The following NBR1 variants were observed in gnomAD, a reference collection of about 807,000 sequenced individuals.
NBR1 encodes NBR1 autophagy cargo receptor, also known as next to BRCA1 gene 1 protein.
NBR1 carries 59 observed loss-of-function variants against 115.5 expected under a neutral mutation model. That is an observed-to-expected ratio of 0.51 (90% CI 0.41 to 0.63). The LOEUF is 0.63. Among genes scored for constraint, NBR1 ranks in the 30% least tolerant of loss-of-function variants. NBR1 has a pLI of 0.00. For missense variants in NBR1, 1,043 were observed against 1,150.5 expected (o/e 0.91, Z 1.35); for synonymous variants, 373 against 414.7 (o/e 0.90, Z 1.22).
chr17:43,177,798 T>C, intron 2 of NBR1, 138 bp from the exon 3 acceptor site: 1 of 619,238 alleles, frequency 1.6e-6, no homozygotes, highest in Non-Finnish European at 2.4e-6. Flanking sequence ...GCTGGTACTC[T>C]GGGTGTGTTG....
intron 1 of NBR1, among the ~76,000 whole-genome samples, chr17:43,174,278 A>G (rs578011586): frequency 1.2e-4 from 19 of 152,272 alleles, no homozygotes; most frequent in Middle Eastern, 3.4e-3. Context: ...ACTTTTGTAT[A>G]GATTTAAATT....
intron 19 of NBR1, among the ~76,000 whole-genome samples, chr17:43,203,254 T>C (rs968151157): frequency 3.3e-5 from 5 of 152,190 alleles, no homozygotes; most frequent in Non-Finnish European, 7.3e-5. Flanking sequence ...AAGCCCAGTA[T>C]ACATTTAAAT....
rs1370149579 is a variant in NBR1, at chr17:43,203,686, A to G, written c.2627A>G (p.His876Arg). 6.2e-7 allele frequency: 1 copy of G among 1,606,668 alleles called. No individual in the cohort carries two copies. Among genetic ancestry groups the G allele is most frequent in the Admixed American group, 1.7e-5 (1 of 59,242 alleles). ...RQKSYDHSRH[H>R]HGSSIAGGLV... The stretch of plus-strand genomic sequence containing the variant: ...AATTTGGTTTTCCTCTGCAGGCACC[A>G]TCATGGGAGCAGCATTGCTGGAGGA... The change falls in exon 20 of 21, where the codon CAT becomes CGT. Residue 876 changes from histidine to arginine, a missense_variant. By Grantham distance (29) the His-to-Arg change is conservative. Transcript: ENST00000590996.
At position 43,193,393 on chromosome 17, in the gene NBR1, A is replaced by G; in HGVS notation, c.1279A>G (p.Lys427Glu). Residue 427 changes from lysine (K) to glutamate (E), a missense_variant, in exon 12 of 21, where the codon AAG becomes GAG. By Grantham distance (56) the Lys-to-Glu change is moderately conservative. Transcript: ENST00000590996. ...GNLTLASTEK[K>E]DVLVPCLKAG... Reference sequence around the variant, plus strand: ...CCTGACTTTGGCTTCCACAGAAAAGAAGGATGTTTTGGTTCCCTGCCTCAA... The same window carrying G: ...CCTGACTTTGGCTTCCACAGAAAAGGAGGATGTTTTGGTTCCCTGCCTCAA... 1 of 1,613,966 alleles carries G rather than the reference A, an allele frequency of 6.2e-7. No individual in the cohort carries two copies. Among genetic ancestry groups the G allele is most frequent in the Non-Finnish European group, 8.5e-7 (1 of 1,179,876 alleles).
chr17:43,189,395 G>A (rs780567168), intron 7 of NBR1, among the ~76,000 whole-genome samples, 193 bp from the exon 8 acceptor site: 4 of 152,140 alleles, frequency 2.6e-5, no homozygotes, highest in Non-Finnish European at 4.4e-5. Flanking sequence ...AGGATGTTTT[G>A]ATATTTTCTT....
intron 6 of NBR1, 76 bp from the exon 7 acceptor site, chr17:43,188,966 A>G (rs556448938): frequency 1.9e-6 from 2 of 1,059,960 alleles, no homozygotes; most frequent in Non-Finnish European, 2.9e-6. Flanking sequence ...AAGAAACCTC[A>G]AAATAATACA....
rs1009188020 is a variant in NBR1, at chr17:43,189,693, T to C, written c.586T>C (p.Ser196Pro). 6.2e-7 allele frequency: 1 copy of C among 1,613,880 alleles called. No homozygotes were observed. The highest frequency in any genetic ancestry group is 1.7e-5 in the Admixed American group (1 of 60,014). Reference protein sequence around the residue: ...PSLGSCPSEVSMPTSEETLFL... With the variant: ...PSLGSCPSEVPMPTSEETLFL... ...CTTGGGTTCTTGTCCCTCAGAAGTC[T>C]CAATGCCTACTTCAGAAGAAACATT... is the stretch of plus-strand genomic sequence containing the variant. The change falls in exon 8 of 21, where the codon TCA becomes CCA. Residue 196 changes from serine (S) to proline (P), a missense_variant. By Grantham distance (74) the Ser-to-Pro change is moderately conservative. Transcript: ENST00000590996.
intron 19 of NBR1, 41 bp from the exon 20 acceptor site, chr17:43,203,640 T>C (rs1354592311): frequency 3.2e-6 from 4 of 1,243,194 alleles, no homozygotes. Context: ...AAGGTAATGA[T>C]TTGTGTTTGT....
chr17:43,193,438 G>C lies in NBR1; in HGVS notation c.1324G>C (p.Val442Leu), dbSNP rs1229295378. The C allele has an allele frequency of 6.2e-7, 1 of 1,614,012 alleles. No homozygotes were observed. The highest frequency in any genetic ancestry group is 8.5e-7 in the Non-Finnish European group (1 of 1,179,890). ...CCTCAAGGCCGGCCATGTGGGAGTTGTATCTGTGGAGTTCATTGCCCCAGC... is the reference window on the plus strand; with the variant it reads ...CCTCAAGGCCGGCCATGTGGGAGTTCTATCTGTGGAGTTCATTGCCCCAGC... ...PCLKAGHVGVVSVEFIAPALE... is the reference protein window; with the variant it reads ...PCLKAGHVGVLSVEFIAPALE... The change falls in exon 12 of 21, where the codon GTA becomes CTA. Residue 442 changes from valine to leucine, a missense_variant. Coordinates refer to ENST00000590996, the MANE Select transcript of NBR1 (RefSeq NM_005899.5).
At chr17:43,175,509 CAT>C (rs758934455) in intron 1 of NBR1, among the ~76,000 whole-genome samples, 12 of 152,204 alleles carry the variant, frequency 7.9e-5, no homozygotes, top group Non-Finnish European at 1.5e-4. Context: ...ATGTTTCCAA[CAT>C]GTGGAAGTTC....
chr17:43,200,627 T>C lies in NBR1; in HGVS notation c.2468+19T>C, dbSNP rs748029971. 5 of 1,570,130 alleles carry C rather than the reference T, an allele frequency of 3.2e-6. No homozygotes were observed. Among genetic ancestry groups the C allele is most frequent in the Non-Finnish European group, 4.3e-6 (5 of 1,154,228 alleles). ...TGCCCAGGTACCACTCACAGCCCCC[T>C]CAGCTGGGGTGTTCTTCAGAGGTGA... On this transcript the variant is annotated intron_variant, in intron 17 of 20. Transcript: ENST00000590996.
intron 1 of NBR1, among the ~76,000 whole-genome samples, chr17:43,171,980 G>T (rs2056384404): frequency 6.6e-6 from 1 of 151,894 alleles, no homozygotes; most frequent in Non-Finnish European, 1.5e-5. Flanking sequence ...AACTTGGCTT[G>T]TAAAGGCCTC....
chr17:43,197,396 G>T (rs879829626), intron 16 of NBR1, among the ~76,000 whole-genome samples: 12 of 152,122 alleles, frequency 7.9e-5, no homozygotes, highest in South Asian at 4.1e-4. Context: ...GCGGGTGCCT[G>T]TAGTCCCAGC....
chr17:43,190,734 A>G lies in NBR1; in HGVS notation c.821A>G (p.Lys274Arg). 2 of 1,613,266 alleles carry G rather than the reference A, an allele frequency of 1.2e-6. No individual in the cohort carries two copies. The highest frequency in any genetic ancestry group is 1.7e-6 in the Non-Finnish European group (2 of 1,179,380). Reference protein sequence around the residue: ...VGSSEPFCHSKYSTPRLPAAL... With the variant: ...VGSSEPFCHSRYSTPRLPAAL... ...TCCTCTGAACCGTTCTGTCACTCAA[A>G]GTACTCTACTCCTCGTCTTCCTGCT... Residue 274 changes from lysine to arginine, a missense_variant, in exon 9 of 21, where the codon AAG becomes AGG. Lys to Arg is a conservative substitution (Grantham distance 26). Transcript: ENST00000590996.
At chr17:43,189,495 A>G in intron 7 of NBR1, 93 bp from the exon 8 acceptor site, 1 of 843,112 alleles carries the variant, frequency 1.2e-6, no homozygotes. Flanking sequence ...GTATTATACC[A>G]GAGACAGTTA....
At chr17:43,188,144 C>A (rs577908638) in intron 6 of NBR1, among the ~76,000 whole-genome samples, 1 of 152,212 alleles carries the variant, frequency 6.6e-6, no homozygotes, top group African/African-American at 2.4e-5. Flanking sequence ...CCCGCCTCAG[C>A]CTCCCAAAGT....
In NBR1 at chr17:43,193,599, C is replaced by T; in HGVS notation, c.1485C>T (p.Ile495=). ...CTGATAACATTGAAAAGGGCATGAT[C>T]AGCTCAAGCAAAACTGATGATCTCA... ...ESPDNIEKGM[I]SSSKTDDLTC... Residue 495 remains isoleucine (I), a synonymous_variant, in exon 12 of 21, where the codon ATC becomes ATT. Coordinates refer to ENST00000590996, the MANE Select transcript of NBR1 (RefSeq NM_005899.5). The T allele has an allele frequency of 6.2e-7, 1 of 1,611,114 alleles. No homozygotes were observed. The highest frequency in any genetic ancestry group is 2.2e-5 in the East Asian group (1 of 44,834).
In NBR1 at chr17:43,191,460, G is replaced by A; in HGVS notation, c.952G>A (p.Glu318Lys). 1 of 1,613,138 alleles carries A rather than the reference G, an allele frequency of 6.2e-7. No individual in the cohort carries two copies. ...GAAACAACGTAAAGCAGAGGTCAAG[G>A]AACTTAAAAAGCAGCTTAAACTCCA... is the stretch of plus-strand genomic sequence containing the variant. ...EKKQRKAEVK[E>K]LKKQLKLHRK... The change falls in exon 10 of 21, where the codon GAA becomes AAA. Residue 318 changes from glutamate to lysine, a missense_variant. Glu to Lys is a moderately conservative substitution (Grantham distance 56). Coordinates refer to ENST00000590996, the MANE Select transcript of NBR1 (RefSeq NM_005899.5).
chr17:43,190,091 G>C, intron 8 of NBR1: 1 of 326,882 alleles, frequency 3.1e-6, no homozygotes, highest in South Asian at 3.9e-5. Flanking sequence ...TGTTCCAAAT[G>C]CCTTTTTTTT....
Sources: gnomAD v4.1 joint callset for allele counts (sites outside exome capture counted in the v4.1 genomes callset) on GRCh38, gnomAD v4.1.1 for gene constraint, MANE v1.5 for transcripts, NCBI Gene and HGNC (gene_info 2026-07-23, HGNC 2026-07-21) for gene names.